SH3RF3: variants seen among roughly 807,000 people sequenced by gnomAD.
SH3RF3 encodes the protein E3 ubiquitin-protein ligase SH3RF3.
Under a neutral mutation model 66.3 loss-of-function variants are expected in SH3RF3, and 29 were observed. The observed-to-expected ratio is 0.44, with a 90% CI of 0.33 to 0.60. The LOEUF is 0.60. SH3RF3 is among the 20% of genes least tolerant of loss of function. The pLI is 0.04. For synonymous variants in SH3RF3, 583 were observed against 532.0 expected (o/e 1.10, Z -1.32); for missense variants, 1,194 against 1,190.9 (o/e 1.00, Z -0.04).
At chr2:109,301,665 A>G (rs1282578194) in intron 1 of SH3RF3, among the ~76,000 whole-genome samples, 4 of 152,262 alleles carry the variant, frequency 2.6e-5, no homozygotes, top group Non-Finnish European at 4.4e-5. Context: ...GCTCCTTTGC[A>G]TAGAAATTTG....
Position 109,212,764 on chromosome 2 carries a change from C to G in SH3RF3, c.573+82651C>G, listed in dbSNP as rs900707001. Among the ~76,000 whole-genome samples, 7 of 152,224 alleles carry G rather than the reference C, an allele frequency of 4.6e-5. No homozygotes were observed. In the South Asian group the frequency reaches 6.2e-4, roughly 13 times the overall value. On this transcript the variant is annotated intron_variant, in intron 1 of 9. Transcript: ENST00000309415. ...CGTGGCCCAAAGCAGCCTTCTCCCC[C>G]ACCCGTCAGTTCCCTCTGCCCCTGG...
Position 109,490,694 on chromosome 2 carries a change from C to A in SH3RF3, c.2238C>A (p.His746Gln). Residue 746 changes from histidine to glutamine, a missense_variant, in exon 9 of 10, where the codon CAC becomes CAA. Transcript: ENST00000309415. The stretch of plus-strand genomic sequence containing the variant: ...CCCCGCCATCTGTGTCTCCAACCCA[C>A]GACCCCCAGGTGGCCGTGGACGCCC... The part of the protein sequence containing the change: ...SRSPPSVSPT[H>Q]DPQVAVDALL... 1 of 1,531,774 alleles carries A rather than the reference C, an allele frequency of 6.5e-7. No homozygotes were observed. Among genetic ancestry groups the A allele is most frequent in the South Asian group, 1.2e-5 (1 of 83,686 alleles). The allele number at this position is 1,531,774 out of a possible 1,614,324, so 94.9% of individuals were successfully genotyped here. A position where few individuals can be genotyped will look rare whatever the true frequency, so the allele number is the denominator to read the frequency against.
chr2:109,483,734 A>G (rs1678892972), intron 8 of SH3RF3, among the ~76,000 whole-genome samples: 1 of 152,174 alleles, frequency 6.6e-6, no homozygotes, highest in Non-Finnish European at 1.5e-5. Context: ...CAGCTGTGCC[A>G]CATGAGGTCA....
At chr2:109,324,860 G>T (rs974013155) in intron 1 of SH3RF3, among the ~76,000 whole-genome samples, 1 of 152,156 alleles carries the variant, frequency 6.6e-6, no homozygotes, top group African/African-American at 2.4e-5. Context: ...GTGCAAGCAC[G>T]CACGCTGGCA....
chr2:109,175,941 A>G (rs1677903563), intron 1 of SH3RF3, among the ~76,000 whole-genome samples: 1 of 152,108 alleles, frequency 6.6e-6, no homozygotes, highest in African/African-American at 2.4e-5. Context: ...GTAATACTTT[A>G]TTTTTCTGGA....
At chr2:109,130,184 G>C in intron 1 of SH3RF3, 71 bp downstream of exon 1, 1 of 1,230,842 alleles carries the variant, frequency 8.1e-7, no homozygotes, top group Non-Finnish European at 1.0e-6. Flanking sequence ...GGCGTGGGGG[G>C]CAGTGATGAG....
At chr2:109,164,470 C>T (rs192784178) in intron 1 of SH3RF3, among the ~76,000 whole-genome samples, 177 of 152,328 alleles carry the variant, frequency 1.2e-3, no homozygotes, top group African/African-American at 2.8e-3. Context: ...AGCTGTGAGC[C>T]ACAGTATTTG....
Position 109,432,805 on chromosome 2 carries a change from GC to G in SH3RF3, c.1574+139del, listed in dbSNP as rs1230663604. ...CAAGGCCACCAGTGCCCAGGGTTCAGCCCCCACTGGCGTCCCCAGGCCCACA... is the reference window on the plus strand; with the variant it reads ...CAAGGCCACCAGTGCCCAGGGTTCAGCCCCACTGGCGTCCCCAGGCCCACA... On this transcript the variant is annotated intron_variant, in intron 6 of 9. Coordinates refer to ENST00000309415, the MANE Select transcript of SH3RF3 (RefSeq NM_001099289.3). 1.9e-5 allele frequency: 23 copies of G among 1,230,170 alleles called. No individual in the cohort carries two copies. The East Asian group carries it at 5.5e-4, about 29-fold the overall frequency. 76.2% of individuals were successfully genotyped at this position (1,230,170 alleles called of 1,614,324 possible).
At chr2:109,347,624 G>T (rs778377701) in intron 1 of SH3RF3, 50 bp from the exon 2 acceptor site, 1 of 1,587,164 alleles carries the variant, frequency 6.3e-7, no homozygotes, top group Non-Finnish European at 8.6e-7. Flanking sequence ...CCACTGTGGG[G>T]CATTGGGAAG....
intron 8 of SH3RF3, among the ~76,000 whole-genome samples, chr2:109,454,215 A>G (rs1398771173): frequency 3.3e-5 from 5 of 152,218 alleles, no homozygotes; most frequent in Non-Finnish European, 1.5e-5. Context: ...TACAATCCTC[A>G]TTTCTGTAGC....
intron 1 of SH3RF3, among the ~76,000 whole-genome samples, chr2:109,317,939 A>C (rs1164393737): frequency 1.3e-5 from 2 of 152,092 alleles, no homozygotes; most frequent in Non-Finnish European, 2.9e-5. Flanking sequence ...GGGGACTCGC[A>C]CAACTCTGCC....
chr2:109,155,523 G>A (rs377210876), intron 1 of SH3RF3, among the ~76,000 whole-genome samples: 1 of 152,154 alleles, frequency 6.6e-6, no homozygotes, highest in South Asian at 2.1e-4. Context: ...GGGTGGTCTC[G>A]ATCTCCTGAC....
chr2:109,392,722 A>G (rs764018249), intron 3 of SH3RF3, among the ~76,000 whole-genome samples: 2 of 151,438 alleles, frequency 1.3e-5, no homozygotes, highest in Non-Finnish European at 2.9e-5. Flanking sequence ...TCACCGTGTT[A>G]GCCAGGATGG....
At position 109,217,492 on chromosome 2, in the gene SH3RF3, G is replaced by A. The variant is rs371048637; in HGVS notation, c.573+87379G>A. ...GTAAATAGACTCACTCCACATCTTA[G>A]TAATAGGAAGAAGTCATCCCGGGCT... On this transcript the variant is annotated intron_variant, in intron 1 of 9. Transcript: ENST00000309415. Among the ~76,000 whole-genome samples, 23 of 152,298 alleles carry A rather than the reference G, an allele frequency of 1.5e-4. No individual in the cohort carries two copies. In the South Asian group the frequency reaches 4.6e-3, roughly 30 times the overall value.
intron 8 of SH3RF3, among the ~76,000 whole-genome samples, chr2:109,476,052 C>T (rs1456037057): frequency 2.6e-5 from 4 of 152,226 alleles, no homozygotes; most frequent in African/African-American, 9.6e-5. Flanking sequence ...CCAGAGTTAG[C>T]AGTACTGTAC....
chr2:109,252,479 T>G (rs779405174), intron 1 of SH3RF3, among the ~76,000 whole-genome samples: 3 of 152,300 alleles, frequency 2.0e-5, no homozygotes, highest in Admixed American at 2.0e-4. Context: ...TATCATGGGT[T>G]GATCAGCCGT....
chr2:109,487,939 T>G (rs1679025825), intron 8 of SH3RF3, among the ~76,000 whole-genome samples: 1 of 152,204 alleles, frequency 6.6e-6, no homozygotes, highest in African/African-American at 2.4e-5. Context: ...AAGCTTTGAT[T>G]CTAGAGGGGA....
At chr2:109,492,537 C>G (rs1002052217) in intron 9 of SH3RF3, among the ~76,000 whole-genome samples, 2 of 152,178 alleles carry the variant, frequency 1.3e-5, no homozygotes, top group Admixed American at 6.5e-5. Flanking sequence ...ACAGCCAGGC[C>G]CTGCCTTCTA....
intron 1 of SH3RF3, among the ~76,000 whole-genome samples, chr2:109,297,250 C>T (rs1309033243): frequency 6.6e-6 from 1 of 152,128 alleles, no homozygotes; most frequent in Non-Finnish European, 1.5e-5. Context: ...CCATCATCAT[C>T]ATCGTCATCA....
Sources: gnomAD v4.1 joint callset for allele counts (sites outside exome capture counted in the v4.1 genomes callset) on GRCh38, gnomAD v4.1.1 for gene constraint, MANE v1.5 for transcripts, NCBI Gene and HGNC (gene_info 2026-07-23, HGNC 2026-07-21) for gene names.